FAM184B: variants seen among roughly 807,000 people sequenced by gnomAD.
FAM184B encodes the protein protein FAM184B.
A neutral mutation model predicts 135.9 loss-of-function variants in FAM184B; 111 were observed. That is an observed-to-expected ratio of 0.82 (90% CI 0.70 to 0.96). The LOEUF is 0.96. Ranked by LOEUF, FAM184B falls within the 40% of genes least tolerant of loss-of-function variation. FAM184B has a pLI of 0.00. For synonymous variants in FAM184B, 552 were observed against 524.8 expected (o/e 1.05, Z -0.71); for missense variants, 1,375 against 1,323.9 (o/e 1.04, Z -0.60).
At chr4:17,634,052 A>G (rs899777025) in intron 16 of FAM184B, 164 bp from the exon 17 acceptor site, 32 of 498,840 alleles carry the variant, frequency 6.4e-5, no homozygotes, top group Middle Eastern at 5.3e-4. Flanking sequence ...TTTCCCTCCA[A>G]TCTTCATTTT....
intron 5 of FAM184B, among the ~76,000 whole-genome samples, chr4:17,699,170 T>C (rs1716928929): frequency 6.6e-6 from 1 of 151,870 alleles, no homozygotes; most frequent in South Asian, 2.1e-4. Context: ...GAAAGAAAGA[T>C]GAGTAAACTT....
At chr4:17,750,970 C>A (rs573370916) in intron 1 of FAM184B, among the ~76,000 whole-genome samples, 1 of 152,140 alleles carries the variant, frequency 6.6e-6, no homozygotes, top group Non-Finnish European at 1.5e-5. Flanking sequence ...CCCAAGGAGA[C>A]ATCTGCTGAA....
intron 14 of FAM184B, among the ~76,000 whole-genome samples, chr4:17,637,339 T>A (rs1417409841): frequency 2.0e-5 from 3 of 152,232 alleles, no homozygotes; most frequent in Non-Finnish European, 4.4e-5. Context: ...CACTGCTTTT[T>A]CAGCGTGAAG....
Position 17,629,596 on chromosome 4 carries a change from C to T in FAM184B, c.*2936G>A, listed in dbSNP as rs1714865695. On this transcript the variant is annotated 3_prime_UTR_variant, in exon 18 of 18. Coordinates refer to ENST00000265018, the MANE Select transcript of FAM184B (RefSeq NM_015688.2). ...TGCAGGAACATATTAACTCTTCCAC[C>T]CCTGTCATAATACAGCCTGAAGAGA... is the stretch of plus-strand genomic sequence containing the variant. 1 of 152,070 alleles carries T rather than the reference C, an allele frequency of 6.6e-6. No homozygotes were observed. The highest frequency in any genetic ancestry group is 2.4e-5 in the African/African-American group (1 of 41,404). 9.4% of individuals were successfully genotyped at this position (152,070 alleles called of 1,614,324 possible).
chr4:17,732,207 G>C (rs1182352092), intron 1 of FAM184B, among the ~76,000 whole-genome samples: 1 of 152,172 alleles, frequency 6.6e-6, no homozygotes, highest in Non-Finnish European at 1.5e-5. Flanking sequence ...GAAATTTATA[G>C]CACTAAATGC....
intron 8 of FAM184B, among the ~76,000 whole-genome samples, chr4:17,662,855 C>T (rs1279926559): frequency 6.6e-6 from 1 of 152,210 alleles, no homozygotes. Context: ...GAAATGGTGT[C>T]TCACTGTGGT....
intron 7 of FAM184B, among the ~76,000 whole-genome samples, chr4:17,681,288 A>C (rs114721194): frequency 7.7e-4 from 118 of 152,320 alleles, no homozygotes; most frequent in African/African-American, 2.7e-3. Flanking sequence ...GTAATGAAGA[A>C]ACTGATCTCA....
At chr4:17,658,239 G>A (rs957469259) in intron 10 of FAM184B, 111 bp downstream of exon 10, 2 of 1,011,424 alleles carry the variant, frequency 2.0e-6, no homozygotes, top group Non-Finnish European at 3.0e-6. Flanking sequence ...TAACAATCTG[G>A]AAAGATGCTC....
chr4:17,635,228 G>A lies in FAM184B; in HGVS notation c.2785-115C>T. On this transcript the variant is annotated intron_variant, in intron 15 of 17. Coordinates refer to ENST00000265018, the MANE Select transcript of FAM184B (RefSeq NM_015688.2). Reference sequence around the variant, plus strand: ...AGAAGGAAAGTCCAGGGGAGGAAGGGGAAGTCAGTGGGAATAAAGCTGCCA... The same window carrying A: ...AGAAGGAAAGTCCAGGGGAGGAAGGAGAAGTCAGTGGGAATAAAGCTGCCA... 9 of 758,922 alleles carry A rather than the reference G, an allele frequency of 1.2e-5. No homozygotes were observed. The South Asian group carries it at 1.5e-4, about 13-fold the overall frequency. 47.0% of individuals were successfully genotyped at this position (758,922 alleles called of 1,614,324 possible). A position where few individuals can be genotyped will look rare whatever the true frequency, so the allele number is the denominator to read the frequency against.
At chr4:17,690,974 C>T (rs938137923) in intron 6 of FAM184B, among the ~76,000 whole-genome samples, 10 of 152,092 alleles carry the variant, frequency 6.6e-5, no homozygotes, top group African/African-American at 2.4e-4. Context: ...CAGATTGTAG[C>T]ATCATTTAGG....
intron 15 of FAM184B, among the ~76,000 whole-genome samples, chr4:17,635,817 G>A (rs1185062867): frequency 1.3e-5 from 2 of 152,186 alleles, no homozygotes; most frequent in East Asian, 1.9e-4. Flanking sequence ...AGCAGGCCTT[G>A]GTTGGATACT....
At position 17,666,469 on chromosome 4, in the gene FAM184B, C is replaced by CTTTTTTTTTTTTTT. The variant is rs386399397; in HGVS notation, c.1597-1824_1597-1811dup. 3.7e-3 allele frequency among the ~76,000 whole-genome samples: 209 copies of CTTTTTTTTTTTTTT among 57,122 alleles called. 2 individuals are homozygous for CTTTTTTTTTTTTTT. Among genetic ancestry groups the CTTTTTTTTTTTTTT allele is most frequent in the Non-Finnish European group, 4.2e-3 (145 of 34,166 alleles). 37.5% of individuals were successfully genotyped at this position (57,122 alleles called of 152,430 possible). A position where few individuals can be genotyped will look rare whatever the true frequency, so the allele number is the denominator to read the frequency against. On this transcript the variant is annotated intron_variant, in intron 7 of 17. Transcript: ENST00000265018. ...CAGGTGCATGCCACTGTGCCTGGTT[C>CTTTTTTTTTTTTTT]TTTTTTTTTTTTTTTTTTTTTTTTT...
In FAM184B at chr4:17,758,610, G is replaced by A. The variant is rs77765511; in HGVS notation, c.141+22549C>T. Among the ~76,000 whole-genome samples, 601 of 152,302 alleles carry A rather than the reference G, an allele frequency of 3.9e-3. 5 individuals are homozygous for A. Among genetic ancestry groups the A allele is most frequent in the Non-Finnish European group, 5.2e-3 (351 of 68,030 alleles). ...AGTGCCCATTGAAACATCTACAGAG[G>A]GGTAACTTGTCATTTTTATTGCACA... is the stretch of plus-strand genomic sequence containing the variant. On this transcript the variant is annotated intron_variant, in intron 1 of 17. Coordinates refer to ENST00000265018, the MANE Select transcript of FAM184B (RefSeq NM_015688.2).
chr4:17,755,464 T>A (rs568257885), intron 1 of FAM184B, among the ~76,000 whole-genome samples: 1 of 152,222 alleles, frequency 6.6e-6, no homozygotes, highest in South Asian at 2.1e-4. Flanking sequence ...TTGGTGGGAC[T>A]GTAAATTAGT....
chr4:17,702,987 C>T (rs1717025159), intron 5 of FAM184B, among the ~76,000 whole-genome samples: 1 of 152,178 alleles, frequency 6.6e-6, no homozygotes, highest in South Asian at 2.1e-4. Flanking sequence ...GCTCTGGAGT[C>T]AGGATATCAG....
At chr4:17,733,413 T>C (rs1481090679) in intron 1 of FAM184B, among the ~76,000 whole-genome samples, 1 of 152,214 alleles carries the variant, frequency 6.6e-6, no homozygotes, top group Admixed American at 6.5e-5. Context: ...GCAGATGACA[T>C]GATTGTATAT....
At chr4:17,760,979 A>G (rs957577878) in intron 1 of FAM184B, among the ~76,000 whole-genome samples, 1 of 152,234 alleles carries the variant, frequency 6.6e-6, no homozygotes, top group Non-Finnish European at 1.5e-5. Context: ...TGATTTGCAC[A>G]GTCCCCTCCC....
chr4:17,761,278 G>A (rs1025997367), intron 1 of FAM184B, among the ~76,000 whole-genome samples: 7 of 152,018 alleles, frequency 4.6e-5, no homozygotes, highest in African/African-American at 1.7e-4. Context: ...TGTGCACACA[G>A]GAAAGGCCAT....
chr4:17,672,111 T>A (rs559583791), intron 7 of FAM184B, among the ~76,000 whole-genome samples: 2 of 152,006 alleles, frequency 1.3e-5, no homozygotes, highest in South Asian at 4.1e-4. Context: ...GATAATCAAA[T>A]TGTCAAAGGT....
Sources: allele counts gnomAD v4.1 joint callset (sites outside exome capture counted in the v4.1 genomes callset), GRCh38; gene constraint gnomAD v4.1.1; transcripts MANE v1.5; gene names NCBI Gene and HGNC (gene_info 2026-07-23, HGNC 2026-07-21).